Variants in ANO3 observed in about 807,000 individuals in gnomAD.
ANO3 encodes the protein anoctamin-3.
A neutral mutation model predicts 144.8 loss-of-function variants in ANO3; 99 were observed. The observed-to-expected ratio is 0.68, with a 90% CI of 0.58 to 0.81. The LOEUF is 0.81. ANO3 is among the 30% of genes least tolerant of loss of function. The pLI, the probability that ANO3 is intolerant of heterozygous loss-of-function variation, is 0.00. For synonymous variants in ANO3, 414 were observed against 392.6 expected, an observed-to-expected ratio of 1.05 and a Z score of -0.64; for missense variants, 905 against 1,202.2, an observed-to-expected ratio of 0.75 and a Z score of 3.66.
intron 1 of ANO3, among the ~76,000 whole-genome samples, chr11:26,358,559 T>A (rs1254241891): frequency 6.6e-6 from 1 of 152,196 alleles, no homozygotes; most frequent in Non-Finnish European, 1.5e-5. Context: ...CATCATAATT[T>A]TTTTTTACTT....
At chr11:26,616,731 G>A (rs528799667) in intron 17 of ANO3, among the ~76,000 whole-genome samples, 1 of 152,130 alleles carries the variant, frequency 6.6e-6, no homozygotes, top group African/African-American at 2.4e-5. Flanking sequence ...AACAGAATGG[G>A]AGGTTTACCC....
chr11:26,331,297 C>G (rs1474636678), upstream of ANO3: 1 of 152,146 alleles, frequency 6.6e-6, no homozygotes, highest in Non-Finnish European at 1.5e-5. Context: ...ATGTAACAAA[C>G]CTGCGCATCC....
chr11:26,551,620 T>C (rs1397978566), intron 12 of ANO3, among the ~76,000 whole-genome samples: 1 of 152,034 alleles, frequency 6.6e-6, no homozygotes, highest in African/African-American at 2.4e-5. Flanking sequence ...AGAAAGATTA[T>C]GTCATATAAA....
intron 1 of ANO3, among the ~76,000 whole-genome samples, chr11:26,273,113 C>T (rs1028610657): frequency 4.6e-5 from 7 of 151,770 alleles, no homozygotes; most frequent in African/African-American, 1.5e-4. Context: ...CCAGTCTTTT[C>T]GTTGTATGAC....
At chr11:26,552,859 A>T (rs3108885) in intron 12 of ANO3, among the ~76,000 whole-genome samples, 140,780 of 151,960 alleles carry the variant, frequency 0.93, 65,321 homozygotes, top group East Asian at 0.99. Context: ...ACTTGAGAAA[A>T]CCAAATAGGT....
At chr11:26,289,545 T>C (rs114945387) in intron 1 of ANO3, among the ~76,000 whole-genome samples, 1,736 of 124,614 alleles carry the variant, frequency 0.014, 84 homozygotes, top group African/African-American at 0.066. Context: ...ATATATATAT[T>C]CTATATGTGT....
At chr11:26,610,402 TTTG>T (rs201535377) in intron 17 of ANO3, among the ~76,000 whole-genome samples, 5 of 147,816 alleles carry the variant, frequency 3.4e-5, no homozygotes, top group South Asian at 2.2e-4. Context: ...AATCAGGTTA[TTTG>T]TTTTTTTGTT....
intron 1 of ANO3, among the ~76,000 whole-genome samples, chr11:26,396,252 C>T (rs1448870412): frequency 6.6e-6 from 1 of 152,082 alleles, no homozygotes; most frequent in Non-Finnish European, 1.5e-5. Flanking sequence ...CCATCTCATG[C>T]CAGTTAGAGT....
intron 6 of ANO3, among the ~76,000 whole-genome samples, chr11:26,518,119 A>C (rs1170383836): frequency 1.3e-5 from 2 of 152,066 alleles, no homozygotes; most frequent in South Asian, 2.1e-4. Context: ...TATTCTTTCC[A>C]ATTCCTCAGC....
intron 4 of ANO3, among the ~76,000 whole-genome samples, chr11:26,506,490 T>C (rs939054307): frequency 3.3e-5 from 5 of 152,238 alleles, no homozygotes; most frequent in African/African-American, 9.6e-5. Flanking sequence ...ATAGCTACTA[T>C]TGTCATTATT....
chr11:26,515,930 C>A (rs1412340417), intron 5 of ANO3, among the ~76,000 whole-genome samples: 1 of 151,936 alleles, frequency 6.6e-6, no homozygotes, highest in Non-Finnish European at 1.5e-5. Flanking sequence ...ATTGTAGGAA[C>A]TTCAGGGAAT....
chr11:26,528,898 C>A lies in ANO3; in HGVS notation c.738-2307C>A, dbSNP rs568777783. Among the ~76,000 whole-genome samples the A allele has an allele frequency of 2.9e-3, 430 of 150,026 alleles. 1 individual carries two copies. Among genetic ancestry groups the A allele is most frequent in the African/African-American group, 9.8e-3 (400 of 40,766 alleles). ...AGGCTGTCTTTGTAATGAGAAGAAG[C>A]AAAGTAAACACCTCAAATACTATGT... On this transcript the variant is annotated intron_variant, in intron 7 of 26. Coordinates refer to ENST00000256737, the MANE Select transcript of ANO3 (RefSeq NM_031418.4).
At chr11:26,505,992 CAAAAAAAAA>C (rs56193607) in intron 4 of ANO3, among the ~76,000 whole-genome samples, 1 of 78,450 alleles carries the variant, frequency 1.3e-5, no homozygotes, top group Non-Finnish European at 2.4e-5. Context: ...GACTCTGTCT[CAAAAAAAAA>C]AAAAAAAAAA....
At chr11:26,659,638 A>G (rs2133104795) in intron 26 of ANO3, among the ~76,000 whole-genome samples, 1 of 152,226 alleles carries the variant, frequency 6.6e-6, no homozygotes, top group East Asian at 1.9e-4. Context: ...TGGAGGCTGG[A>G]GTCAGCTGTG....
At chr11:26,353,810 C>T (rs1855708904) in intron 1 of ANO3, among the ~76,000 whole-genome samples, 1 of 152,146 alleles carries the variant, frequency 6.6e-6, no homozygotes, top group Non-Finnish European at 1.5e-5. Context: ...CCTCGTGATC[C>T]GCCTGCCTCA....
At chr11:26,456,136 G>T (rs1859149878) in intron 3 of ANO3, among the ~76,000 whole-genome samples, 1 of 152,022 alleles carries the variant, frequency 6.6e-6, no homozygotes, top group African/African-American at 2.4e-5. Context: ...AGAAAACCTA[G>T]GCATTACCAT....
At chr11:26,450,961 A>C (rs139891042) in intron 3 of ANO3, among the ~76,000 whole-genome samples, 5 of 152,354 alleles carry the variant, frequency 3.3e-5, no homozygotes, top group African/African-American at 1.2e-4. Flanking sequence ...CTGCTATATT[A>C]TATTGGTCAG....
chr11:26,368,158 A>G (rs1265575271), intron 1 of ANO3, among the ~76,000 whole-genome samples: 1 of 152,236 alleles, frequency 6.6e-6, no homozygotes, highest in Non-Finnish European at 1.5e-5. Flanking sequence ...ATCCTGAAAT[A>G]TATAAGCATT....
chr11:26,613,840 G>C (rs1852170795), intron 17 of ANO3, among the ~76,000 whole-genome samples: 1 of 152,204 alleles, frequency 6.6e-6, no homozygotes, highest in Non-Finnish European at 1.5e-5. Context: ...GCAGCGGGCT[G>C]GATGTTAGCC....
Sources: gnomAD v4.1 joint callset for allele counts (sites outside exome capture counted in the v4.1 genomes callset) on GRCh38, gnomAD v4.1.1 for gene constraint, MANE v1.5 for transcripts, NCBI Gene and HGNC (gene_info 2026-07-23, HGNC 2026-07-21) for gene names.